Variants in NTM observed in about 807,000 individuals in gnomAD.
NTM encodes the protein IgLON family member 2.
NTM carries 13 observed loss-of-function variants against 42.1 expected under a neutral mutation model. That is an observed-to-expected ratio of 0.31 (90% CI 0.20 to 0.49). The LOEUF is 0.49. NTM is among the 20% of genes least tolerant of loss of function. NTM has a pLI of 0.99. For synonymous variants in NTM, 187 were observed against 179.2 expected (o/e 1.04, Z -0.35); for missense variants, 373 against 452.8 (o/e 0.82, Z 1.60).
intron 2 of NTM, among the ~76,000 whole-genome samples, chr11:132,131,454 A>C (rs1217289107): frequency 6.6e-6 from 1 of 152,266 alleles, no homozygotes; most frequent in Non-Finnish European, 1.5e-5. Flanking sequence ...CCCTGCCTTC[A>C]GAATTGCCAT....
At chr11:131,711,743 A>G (rs1219905779) in intron 1 of NTM, among the ~76,000 whole-genome samples, 5 of 151,988 alleles carry the variant, frequency 3.3e-5, no homozygotes, top group African/African-American at 1.2e-4. Flanking sequence ...AATGTCCAAC[A>G]ATGATAGACT....
intron 2 of NTM, among the ~76,000 whole-genome samples, chr11:132,018,852 T>C (rs554056999): frequency 3.3e-5 from 5 of 152,154 alleles, no homozygotes; most frequent in African/African-American, 1.2e-4. Flanking sequence ...AAGCCTGGCT[T>C]TTCTTTGCCG....
intron 4 of NTM, among the ~76,000 whole-genome samples, chr11:132,266,971 G>A (rs752497260): frequency 3.9e-5 from 6 of 152,204 alleles, no homozygotes; most frequent in Non-Finnish European, 8.8e-5. Context: ...ATCAGGGAAA[G>A]TTGGCGTATC....
intron 2 of NTM, among the ~76,000 whole-genome samples, chr11:132,063,368 C>A (rs1029126233): frequency 6.6e-6 from 1 of 152,146 alleles, no homozygotes; most frequent in African/African-American, 2.4e-5. Flanking sequence ...ATTTTGGAAG[C>A]TGGATTCTTC....
intron 1 of NTM, among the ~76,000 whole-genome samples, chr11:131,857,924 G>A (rs950148128): frequency 2.6e-5 from 4 of 151,844 alleles, no homozygotes; most frequent in Admixed American, 1.3e-4. Context: ...TCTCCTTCAG[G>A]TAACATAAAA....
At chr11:131,371,726 C>G (rs1427534230) in intron 1 of NTM, among the ~76,000 whole-genome samples, 1 of 151,874 alleles carries the variant, frequency 6.6e-6, no homozygotes, top group Non-Finnish European at 1.5e-5. Flanking sequence ...CCCATCCCGG[C>G]TCTCACGTCT....
chr11:131,861,056 C>T (rs1200018824), intron 1 of NTM, among the ~76,000 whole-genome samples: 2 of 152,164 alleles, frequency 1.3e-5, no homozygotes, highest in South Asian at 2.1e-4. Flanking sequence ...TTCAGCCCTA[C>T]CCCTGGCTTT....
intron 1 of NTM, among the ~76,000 whole-genome samples, chr11:131,808,432 T>A (rs183860418): frequency 3.9e-5 from 6 of 152,318 alleles, no homozygotes; most frequent in Non-Finnish European, 1.5e-5. Context: ...GCATCTAAGA[T>A]GGGCCACACA....
At chr11:131,611,687 A>G (rs929782548) in intron 1 of NTM, among the ~76,000 whole-genome samples, 3 of 152,226 alleles carry the variant, frequency 2.0e-5, no homozygotes, top group African/African-American at 7.2e-5. Context: ...GAGAAAGTAG[A>G]GGCATTAGGA....
chr11:131,794,772 T>A (rs1005181439), intron 1 of NTM: 5 of 985,248 alleles, frequency 5.1e-6, no homozygotes, highest in Non-Finnish European at 6.0e-6. Flanking sequence ...CCACACACCA[T>A]GTGAAAAGCA....
intron 1 of NTM, among the ~76,000 whole-genome samples, chr11:131,855,428 C>T (rs575942001): frequency 6.6e-6 from 1 of 152,338 alleles, no homozygotes; most frequent in Non-Finnish European, 1.5e-5. Context: ...ACAATTTTCA[C>T]ATCTTAAATT....
At chr11:132,023,400 C>T (rs2074647979) in intron 2 of NTM, among the ~76,000 whole-genome samples, 1 of 152,214 alleles carries the variant, frequency 6.6e-6, no homozygotes, top group South Asian at 2.1e-4. Context: ...CAATATGAAG[C>T]TGAACAGCTG....
chr11:132,042,861 T>C (rs767098220), intron 2 of NTM, among the ~76,000 whole-genome samples: 2 of 152,220 alleles, frequency 1.3e-5, no homozygotes, highest in African/African-American at 2.4e-5. Flanking sequence ...ACATCAAATC[T>C]CCATAAAGAC....
chr11:131,576,702 G>A (rs2057967509), intron 1 of NTM, among the ~76,000 whole-genome samples: 1 of 152,164 alleles, frequency 6.6e-6, no homozygotes, highest in Non-Finnish European at 1.5e-5. Flanking sequence ...TCCAAGAATG[G>A]CCAAAGGGCA....
At chr11:131,518,448 A>T (rs1221542780) in intron 1 of NTM, among the ~76,000 whole-genome samples, 1 of 152,170 alleles carries the variant, frequency 6.6e-6, no homozygotes, top group Non-Finnish European at 1.5e-5. Flanking sequence ...TTTCCCATAG[A>T]AATTATGTTA....
intron 2 of NTM, among the ~76,000 whole-genome samples, chr11:132,142,383 T>C (rs1362129793): frequency 6.6e-6 from 1 of 152,190 alleles, no homozygotes; most frequent in Non-Finnish European, 1.5e-5. Flanking sequence ...AGCAGTTTTG[T>C]AGAAGGACTA....
intron 1 of NTM, among the ~76,000 whole-genome samples, chr11:131,484,772 T>C (rs1053103832): frequency 5.9e-5 from 9 of 152,168 alleles, no homozygotes; most frequent in Non-Finnish European, 1.2e-4. Context: ...CACTCCTCAT[T>C]CGTGCTGTGA....
intron 3 of NTM, among the ~76,000 whole-genome samples, chr11:132,161,410 C>CT (rs1447678688): frequency 2.7e-5 from 1 of 37,020 alleles, no homozygotes; most frequent in Non-Finnish European, 5.4e-5. Context: ...ACAAAATGTT[C>CT]TTTTTGTCAT....
intron 1 of NTM, among the ~76,000 whole-genome samples, chr11:131,468,101 C>T (rs1019195814): frequency 9.9e-5 from 15 of 152,212 alleles, no homozygotes; most frequent in African/African-American, 2.2e-4. Flanking sequence ...GCATTTAGTA[C>T]GGTGGCTTCC....
Sources: allele counts gnomAD v4.1 joint callset (sites outside exome capture counted in the v4.1 genomes callset), GRCh38; gene constraint gnomAD v4.1.1; transcripts MANE v1.5; gene names NCBI Gene and HGNC (gene_info 2026-07-23, HGNC 2026-07-21).